RRP12: variants seen among roughly 807,000 people sequenced by gnomAD.
The protein encoded by RRP12 is ribosomal RNA processing 12 homolog.
RRP12 carries 78 observed loss-of-function variants against 157.3 expected under a neutral mutation model. The ratio of observed to expected loss-of-function variants is 0.50; its 90% CI spans 0.41 to 0.60. The LOEUF (loss-of-function observed/expected upper bound fraction) is 0.60, where lower values mean the gene tolerates loss of function less well. Ranked by LOEUF, RRP12 falls within the 20% of genes least tolerant of loss-of-function variation. The pLI is 0.00. For missense variants in RRP12, 1,521 were observed against 1,679.9 expected (o/e 0.91, Z 1.65); for synonymous variants, 726 against 670.9 (o/e 1.08, Z -1.27).
In RRP12 at chr10:97,400,316, C is replaced by G; in HGVS notation, c.358G>C (p.Ala120Pro). The G allele has an allele frequency of 4.3e-6, 7 of 1,613,944 alleles. No homozygotes were observed. The highest frequency in any genetic ancestry group is 5.9e-6 in the Non-Finnish European group (7 of 1,179,862). Residue 120 changes from alanine to proline, a missense_variant, in exon 2 of 34, where the codon GCC becomes CCC. Physicochemically the swap from Ala to Pro is conservative, Grantham distance 27. Transcript: ENST00000370992. ...ACCCTCGCCCCTACCTCCTTGTGGG[C>G]AGCCGAGTTGGACTCCCAGAAGCGC... ...VQRFWESNSA[A>P]HKEICAVLAA... is the part of the protein sequence containing the mutation.
At chr10:97,387,643 TAA>T (rs11316168) in intron 8 of RRP12, among the ~76,000 whole-genome samples, 5 of 146,260 alleles carry the variant, frequency 3.4e-5, no homozygotes, top group South Asian at 2.1e-4. Flanking sequence ...TTAAAGCTGC[TAA>T]AAAAAAAAAA....
At chr10:97,362,531 G>A (rs17112676) in intron 30 of RRP12, among the ~76,000 whole-genome samples, 59,350 of 151,900 alleles carry the variant, frequency 0.39, 12,301 homozygotes, top group African/African-American at 0.54. Flanking sequence ...ATCACCTGGA[G>A]AGGGAGACTA....
rs761569314 is a variant in RRP12, at chr10:97,396,248, C to T, written c.423G>A (p.Lys141=). Residue 141 remains lysine, a synonymous_variant, in exon 3 of 34, where the codon AAG becomes AAA. Coordinates refer to ENST00000370992, the MANE Select transcript of RRP12 (RefSeq NM_015179.4). ...CAGCGAAGTACTCAGTCTCCGTCTC[C>T]TTCCCTCCCTGGGAGCGAATCACCT... ...VTEVIRSQGG[K]ETETEYFAAL... 1.2e-6 allele frequency: 2 copies of T among 1,613,668 alleles called. No homozygotes were observed. The highest frequency in any genetic ancestry group is 1.7e-6 in the Non-Finnish European group (2 of 1,179,634).
chr10:97,364,632 A>T (rs61863815), intron 29 of RRP12, among the ~76,000 whole-genome samples: 1 of 152,082 alleles, frequency 6.6e-6, no homozygotes, highest in Admixed American at 6.5e-5. Context: ...CAGGAGAATC[A>T]CATAAACTCA....
chr10:97,356,477 C>G (rs1299608397), downstream of RRP12: 2 of 152,254 alleles, frequency 1.3e-5, no homozygotes, highest in African/African-American at 4.8e-5. Flanking sequence ...TGGTGCTGAA[C>G]TGCAGCTCCC....
chr10:97,367,977 C>T (rs2133041961), intron 25 of RRP12, among the ~76,000 whole-genome samples: 1 of 151,954 alleles, frequency 6.6e-6, no homozygotes, highest in East Asian at 1.9e-4. Flanking sequence ...GGCGATCCGC[C>T]CACCTTGGCC....
chr10:97,384,647 G>A (rs1844568040), intron 10 of RRP12, among the ~76,000 whole-genome samples: 1 of 150,116 alleles, frequency 6.7e-6, no homozygotes, highest in South Asian at 2.1e-4. Flanking sequence ...CGGCAGCCTG[G>A]ACAGAGGCTC....
intron 20 of RRP12, 51 bp from the exon 21 acceptor site, chr10:97,371,132 T>A: frequency 6.3e-7 from 1 of 1,585,176 alleles, no homozygotes; most frequent in Non-Finnish European, 8.6e-7. Flanking sequence ...CCCTGTCCAA[T>A]GCTATCCACG....
chr10:97,370,108 CT>C, intron 24 of RRP12, 58 bp downstream of exon 24: 1 of 1,224,474 alleles, frequency 8.2e-7, no homozygotes, highest in Non-Finnish European at 1.2e-6. Context: ...TTATCCTGAC[CT>C]TTTGGGCATC....
chr10:97,366,038 T>C (rs1843966619), intron 29 of RRP12, 70 bp downstream of exon 29: 2 of 1,594,824 alleles, frequency 1.3e-6, no homozygotes, highest in African/African-American at 1.3e-5. Flanking sequence ...TTAGCCACGC[T>C]TCCTCAGCAA....
intron 10 of RRP12, among the ~76,000 whole-genome samples, chr10:97,382,802 C>T (rs781730929): frequency 6.6e-6 from 1 of 151,712 alleles, no homozygotes; most frequent in South Asian, 2.1e-4. Context: ...CACCCTGTCA[C>T]CCAGGCTGGA....
chr10:97,396,388 A>G (rs1844966184), intron 2 of RRP12, 87 bp from the exon 3 acceptor site: 1 of 1,038,440 alleles, frequency 9.6e-7, no homozygotes, highest in Non-Finnish European at 1.5e-6. Context: ...TCACAGATTA[A>G]TCTCTGGTTA....
rs866048624 is a variant in RRP12, at chr10:97,398,353, C to A, written c.369+1952G>T. On this transcript the variant is annotated intron_variant, in intron 2 of 33. Transcript: ENST00000370992. ...ACAGGCGTGAGCCACCGCGCCCGGC[C>A]TTTTTTTTTTTTTTTTTTGAGACAG... 5.2e-5 allele frequency among the ~76,000 whole-genome samples: 3 copies of A among 57,540 alleles called. 1 individual carries two copies. The highest frequency in any genetic ancestry group is 9.5e-5 in the Non-Finnish European group (3 of 31,584). 37.7% of individuals were successfully genotyped at this position (57,540 alleles called of 152,430 possible).
chr10:97,395,233 T>C (rs573130704), intron 3 of RRP12, among the ~76,000 whole-genome samples: 27 of 138,662 alleles, frequency 1.9e-4, no homozygotes, highest in Middle Eastern at 3.7e-3. Flanking sequence ...CATACATACA[T>C]ACACAAATAT....
At chr10:97,375,280 T>A (rs893169682) in intron 15 of RRP12, among the ~76,000 whole-genome samples, 987 of 92,832 alleles carry the variant, frequency 0.011, 9 homozygotes, top group African/African-American at 0.033. Flanking sequence ...AAAAAAAAAA[T>A]TTTTATAGAG....
At chr10:97,379,903 C>T (rs1480582223) in intron 13 of RRP12, 133 bp from the exon 14 acceptor site, 3 of 749,924 alleles carry the variant, frequency 4.0e-6, no homozygotes, top group African/African-American at 3.5e-5. Flanking sequence ...AGACTGAGAA[C>T]CCAATTAACC....
chr10:97,381,288 G>T, intron 12 of RRP12, 98 bp downstream of exon 12: 1 of 876,130 alleles, frequency 1.1e-6, no homozygotes, highest in Non-Finnish European at 1.7e-6. Flanking sequence ...GCCACTGCAG[G>T]CCTGGCCCAC....
chr10:97,363,651 T>C (rs1181526484), intron 30 of RRP12, among the ~76,000 whole-genome samples: 1 of 152,168 alleles, frequency 6.6e-6, no homozygotes, highest in Non-Finnish European at 1.5e-5. Context: ...CTCTGCCTTC[T>C]TTCTCCTTTA....
rs774945216 is a variant in RRP12, at chr10:97,380,925, G to A, written c.1419-12C>T. The A allele has an allele frequency of 1.9e-6, 3 of 1,608,134 alleles. No homozygotes were observed. Among genetic ancestry groups the A allele is most frequent in the East Asian group, 2.2e-5 (1 of 44,846 alleles). On this transcript the variant is annotated splice_polypyrimidine_tract_variant and intron_variant, in intron 12 of 33. Coordinates refer to ENST00000370992, the MANE Select transcript of RRP12 (RefSeq NM_015179.4). The stretch of plus-strand genomic sequence containing the variant: ...CCTCCTCCACTGCCCTGCCAAGGGG[G>A]CGGCACAGTCAGGGCCACGGTCACA...
Sources: gnomAD v4.1 joint callset for allele counts (sites outside exome capture counted in the v4.1 genomes callset) on GRCh38, gnomAD v4.1.1 for gene constraint, MANE v1.5 for transcripts, NCBI Gene and HGNC (gene_info 2026-07-23, HGNC 2026-07-21) for gene names.